Variants in ATP2B2 observed in about 807,000 individuals in gnomAD.
The protein encoded by ATP2B2 is plasma membrane calcium-transporting ATPase 2.
A neutral mutation model predicts 120.0 loss-of-function variants in ATP2B2; 15 were observed. The ratio of observed to expected loss-of-function variants is 0.12; its 90% CI spans 0.08 to 0.19. The LOEUF (loss-of-function observed/expected upper bound fraction) is 0.19. ATP2B2 is among the 10% of genes least tolerant of loss of function. The pLI is 1.00. For missense variants in ATP2B2, 1,045 were observed against 1,719.8 expected, an observed-to-expected ratio of 0.61 and a Z score of 6.94; for synonymous variants, 694 against 700.3, an observed-to-expected ratio of 0.99 and a Z score of 0.14.
intron 1 of ATP2B2, among the ~76,000 whole-genome samples, chr3:10,625,727 G>T (rs183361696): frequency 4.9e-4 from 75 of 152,192 alleles, no homozygotes; most frequent in Admixed American, 2.4e-3. Flanking sequence ...GGACCCTTCA[G>T]CAGGGACCCC....
Position 10,692,192 on chromosome 3 carries a change from C to T in ATP2B2, c.-460+15723G>A, listed in dbSNP as rs547643111. Among the ~76,000 whole-genome samples the T allele has an allele frequency of 2.0e-5, 3 of 152,242 alleles. No individual in the cohort carries two copies. The South Asian group carries it at 6.2e-4, about 32-fold the overall frequency. On this transcript the variant is annotated intron_variant, in intron 1 of 21. Coordinates refer to the ATP2B2 transcript ENST00000646379. Reference sequence around the variant, plus strand: ...CCTGGAGGTGGCAAGCAAACAAAATCCAAGCCAATGTGATTTCAATTTCTG... The same window carrying T: ...CCTGGAGGTGGCAAGCAAACAAAATTCAAGCCAATGTGATTTCAATTTCTG...
chr3:10,388,395 G>A lies in ATP2B2; in HGVS notation c.789C>T (p.His263=), dbSNP rs372187689. The A allele has an allele frequency of 1.2e-5, 20 of 1,613,996 alleles. No homozygotes were observed. Among genetic ancestry groups the A allele is most frequent in the Admixed American group, 1.0e-4 (6 of 60,006 alleles). Residue 263 remains histidine (H), a synonymous_variant, in exon 6 of 23, where the codon CAC becomes CAT. Coordinates refer to ENST00000360273, the MANE Select transcript of ATP2B2 (RefSeq NM_001001331.4). ...DKDPMLLSGT[H]VMEGSGRMLV... Reference sequence around the variant, plus strand: ...ACATCCGTCCTGAGCCCTCCATCACGTGGGTTCCTGGGAAAGGGGACAAAA... The same window carrying A: ...ACATCCGTCCTGAGCCCTCCATCACATGGGTTCCTGGGAAAGGGGACAAAA...
rs552347083 is a variant in ATP2B2, at chr3:10,697,620, C to A, written c.-460+10295G>T. Among the ~76,000 whole-genome samples, 19 of 152,308 alleles carry A rather than the reference C, an allele frequency of 1.2e-4. No homozygotes were observed. In the South Asian group the frequency reaches 3.7e-3, roughly 30 times the overall value. On this transcript the variant is annotated intron_variant, in intron 1 of 21. Coordinates refer to the ATP2B2 transcript ENST00000646379. Reference sequence around the variant, plus strand: ...CTATGGATGTATTCCCTGCTCCCCACCCCATGGCACATACAGTCTGCCTTA... The same window carrying A: ...CTATGGATGTATTCCCTGCTCCCCAACCCATGGCACATACAGTCTGCCTTA...
chr3:10,381,428 A>G (rs1270279023), intron 8 of ATP2B2, among the ~76,000 whole-genome samples: 1 of 152,268 alleles, frequency 6.6e-6, no homozygotes, highest in Non-Finnish European at 1.5e-5. Flanking sequence ...TTTGCATTGC[A>G]TATTATCAGA....
At chr3:10,440,174 C>T (rs979984374) in intron 2 of ATP2B2, among the ~76,000 whole-genome samples, 1 of 150,224 alleles carries the variant, frequency 6.7e-6, no homozygotes, top group Non-Finnish European at 1.5e-5. Flanking sequence ...TGAGAAGCCC[C>T]AGAGTCCCAT....
intron 2 of ATP2B2, among the ~76,000 whole-genome samples, chr3:10,538,869 T>C (rs1457530914): frequency 1.3e-5 from 2 of 152,220 alleles, no homozygotes; most frequent in Admixed American, 1.3e-4. Flanking sequence ...TTTGAAGTTC[T>C]GGCCAGGGCA....
intron 9 of ATP2B2, 81 bp from the exon 10 acceptor site, chr3:10,378,491 G>A (rs1206072870): frequency 3.8e-6 from 6 of 1,564,136 alleles, no homozygotes; most frequent in African/African-American, 1.3e-5. Context: ...TGGAGACGCT[G>A]GCACCCACCC....
intron 2 of ATP2B2, among the ~76,000 whole-genome samples, chr3:10,557,577 C>T (rs1180073915): frequency 6.6e-6 from 1 of 152,148 alleles, no homozygotes; most frequent in Non-Finnish European, 1.5e-5. Context: ...GAGCTGGCCT[C>T]TTGGGAACAG....
chr3:10,396,333 C>G (rs1198205402), intron 5 of ATP2B2, among the ~76,000 whole-genome samples: 3 of 152,256 alleles, frequency 2.0e-5, no homozygotes, highest in African/African-American at 7.2e-5. Context: ...GACACAGACA[C>G]AGAGGCTCAG....
At chr3:10,386,437 C>T (rs1190887946) in intron 7 of ATP2B2, 43 bp downstream of exon 7, 2 of 1,605,124 alleles carry the variant, frequency 1.2e-6, no homozygotes, top group Admixed American at 1.7e-5. Flanking sequence ...AAGCCTGCTG[C>T]TATTTCTAAA....
In ATP2B2 at chr3:10,447,841, C is replaced by T. The variant is rs543063269; in HGVS notation, c.199+1504G>A. Among the ~76,000 whole-genome samples, 7 of 152,352 alleles carry T rather than the reference C, an allele frequency of 4.6e-5. No homozygotes were observed. The South Asian group carries it at 1.0e-3, about 23-fold the overall frequency. ...GGTTACTTTCTCTATTCCCACCCTC[C>T]CTGCCAAAACAAAAAAATAGCACCC... On this transcript the variant is annotated intron_variant, in intron 2 of 22. Coordinates refer to ENST00000360273, the MANE Select transcript of ATP2B2 (RefSeq NM_001001331.4).
intron 1 of ATP2B2, among the ~76,000 whole-genome samples, chr3:10,656,954 G>C (rs1401977377): frequency 6.6e-6 from 1 of 152,238 alleles, no homozygotes; most frequent in Admixed American, 6.5e-5. Flanking sequence ...TGAGTGAAGG[G>C]GAGCAGGGAA....
chr3:10,601,089 G>C (rs576685203), intron 2 of ATP2B2, among the ~76,000 whole-genome samples: 1 of 152,320 alleles, frequency 6.6e-6, no homozygotes, highest in East Asian at 1.9e-4. Flanking sequence ...CACCAGGTCC[G>C]GCCTTGCGGG....
intron 2 of ATP2B2, among the ~76,000 whole-genome samples, chr3:10,604,931 G>C (rs1376376818): frequency 1.3e-5 from 2 of 152,152 alleles, no homozygotes; most frequent in Non-Finnish European, 2.9e-5. Flanking sequence ...AACTGTTCTT[G>C]TTCTGAGCTT....
intron 3 of ATP2B2, among the ~76,000 whole-genome samples, chr3:10,528,072 C>T (rs1248737320): frequency 1.3e-5 from 2 of 152,182 alleles, no homozygotes; most frequent in African/African-American, 4.8e-5. Flanking sequence ...GGGTGGCGGG[C>T]ATAACTCTGT....
intron 12 of ATP2B2, among the ~76,000 whole-genome samples, chr3:10,361,855 T>C (rs2060909227): frequency 6.6e-6 from 1 of 152,234 alleles, no homozygotes; most frequent in African/African-American, 2.4e-5. Context: ...AGCAGGTGCT[T>C]ATTAACTGTT....
intron 1 of ATP2B2, among the ~76,000 whole-genome samples, chr3:10,629,655 C>A (rs2069809399): frequency 6.6e-6 from 1 of 152,146 alleles, no homozygotes; most frequent in South Asian, 2.1e-4. Flanking sequence ...GGGATGAAAC[C>A]CAGGGATCCT....
chr3:10,683,875 C>T (rs183534685), intron 1 of ATP2B2, among the ~76,000 whole-genome samples: 17 of 148,220 alleles, frequency 1.1e-4, no homozygotes, highest in Non-Finnish European at 1.9e-4. Context: ...TCACTCACGG[C>T]ATCCTCGAAC....
chr3:10,602,544 G>T (rs778715331), intron 2 of ATP2B2, among the ~76,000 whole-genome samples: 5 of 152,174 alleles, frequency 3.3e-5, no homozygotes, highest in Admixed American at 6.5e-5. Context: ...CTCAGGCAGC[G>T]GCAGCGAGGT....
Sources: gnomAD v4.1 joint callset for allele counts (sites outside exome capture counted in the v4.1 genomes callset) on GRCh38, gnomAD v4.1.1 for gene constraint, MANE v1.5 for transcripts, NCBI Gene and HGNC (gene_info 2026-07-23, HGNC 2026-07-21) for gene names.